HS3ST3A1: variants seen among roughly 807,000 people sequenced by gnomAD.
The protein encoded by HS3ST3A1 is heparan sulfate-glucosamine 3-sulfotransferase 3A1, also known as heparan sulfate glucosamine 3-O-sulfotransferase 3A1.
HS3ST3A1 carries 19 observed loss-of-function variants against 25.7 expected under a neutral mutation model. The ratio of observed to expected loss-of-function variants is 0.74; its 90% CI spans 0.52 to 1.08. The LOEUF (loss-of-function observed/expected upper bound fraction) is 1.08. HS3ST3A1 is among the 50% of genes least tolerant of loss of function. HS3ST3A1 has a pLI of 0.00. For missense variants in HS3ST3A1, 459 were observed against 594.3 expected, an observed-to-expected ratio of 0.77 and a Z score of 2.37; for synonymous variants, 226 against 278.6, an observed-to-expected ratio of 0.81 and a Z score of 1.88.
chr17:13,595,529 AAAG>A, intron 1 of HS3ST3A1, among the ~76,000 whole-genome samples: 1 of 152,338 alleles, frequency 6.6e-6, no homozygotes, highest in Non-Finnish European at 1.5e-5. Flanking sequence ...TATAAAATGC[AAAG>A]ATGAGGGAGT....
chr17:13,506,503 C>T (rs1174801831), intron 1 of HS3ST3A1, among the ~76,000 whole-genome samples: 1 of 152,176 alleles, frequency 6.6e-6, no homozygotes, highest in East Asian at 1.9e-4. Context: ...AATAATTACA[C>T]AGAGCAATTC....
intron 1 of HS3ST3A1, among the ~76,000 whole-genome samples, chr17:13,532,013 A>G (rs1200007093): frequency 6.6e-6 from 1 of 152,228 alleles, no homozygotes; most frequent in Non-Finnish European, 1.5e-5. Flanking sequence ...TCAGAAGCTG[A>G]ACACTTAAAA....
intron 1 of HS3ST3A1, among the ~76,000 whole-genome samples, chr17:13,579,845 G>GCCT (rs1908060457): frequency 6.7e-6 from 1 of 148,888 alleles, no homozygotes; most frequent in Non-Finnish European, 1.5e-5. Flanking sequence ...GGTGGCGCTT[G>GCCT]CCTGTAATCC....
intron 1 of HS3ST3A1, among the ~76,000 whole-genome samples, chr17:13,534,547 C>CAAAAAAAAAAAAAAAAAAA (rs34383911): frequency 3.0e-4 from 10 of 32,828 alleles, no homozygotes; most frequent in East Asian, 1.4e-3. Flanking sequence ...CTACAAAATC[C>CAAAAAAAAAAAAAAAAAAA]AAAAAAAAAA....
intron 1 of HS3ST3A1, among the ~76,000 whole-genome samples, chr17:13,559,042 T>C (rs1375166317): frequency 6.6e-6 from 1 of 152,222 alleles, no homozygotes; most frequent in East Asian, 1.9e-4. Flanking sequence ...AGCTATGCCC[T>C]TGTACAAAGG....
intron 1 of HS3ST3A1, among the ~76,000 whole-genome samples, chr17:13,536,058 C>A (rs1428050100): frequency 6.6e-6 from 1 of 152,150 alleles, no homozygotes; most frequent in Admixed American, 6.6e-5. Context: ...TTTCTCAGAA[C>A]TTATAAGTCA....
At chr17:13,593,233 C>CAAAA (rs5819419) in intron 1 of HS3ST3A1, among the ~76,000 whole-genome samples, 3 of 103,158 alleles carry the variant, frequency 2.9e-5, no homozygotes, top group Non-Finnish European at 3.9e-5. Context: ...TGTTTGTAGC[C>CAAAA]AAAAAAAAAA....
In HS3ST3A1 at chr17:13,519,581, G is replaced by A. The variant is rs188130027; in HGVS notation, c.600-22763C>T. Among the ~76,000 whole-genome samples the A allele has an allele frequency of 3.3e-5, 5 of 152,166 alleles. No homozygotes were observed. The East Asian group carries it at 5.8e-4, about 18-fold the overall frequency. The stretch of plus-strand genomic sequence containing the variant: ...ATGATGATGATGGTGATGATAATTT[G>A]TTAATTTTAACCCACACTAAGAGCC... On this transcript the variant is annotated intron_variant, in intron 1 of 1. Transcript: ENST00000284110.
chr17:13,594,457 T>C (rs1908520793), intron 1 of HS3ST3A1, among the ~76,000 whole-genome samples: 1 of 152,186 alleles, frequency 6.6e-6, no homozygotes, highest in African/African-American at 2.4e-5. Flanking sequence ...CCTTAAGGGT[T>C]AAACAGGCTT....
At chr17:13,509,381 C>T (rs961986839) in intron 1 of HS3ST3A1, among the ~76,000 whole-genome samples, 2 of 151,852 alleles carry the variant, frequency 1.3e-5, no homozygotes, top group African/African-American at 4.8e-5. Context: ...ATTAAAAGCA[C>T]AAGAATGAAA....
intron 1 of HS3ST3A1, among the ~76,000 whole-genome samples, chr17:13,500,822 C>T (rs1382867801): frequency 3.9e-5 from 6 of 152,164 alleles, no homozygotes; most frequent in Admixed American, 6.5e-5. Context: ...TTGTTCTTCT[C>T]CCCATAGAAC....
At chr17:13,600,318 T>C (rs1269177726) in intron 1 of HS3ST3A1, among the ~76,000 whole-genome samples, 1 of 152,082 alleles carries the variant, frequency 6.6e-6, no homozygotes, top group Non-Finnish European at 1.5e-5. Context: ...GGATGAAAAT[T>C]ATGAAGGCCA....
At chr17:13,528,364 C>T (rs542512343) in intron 1 of HS3ST3A1, among the ~76,000 whole-genome samples, 16 of 152,306 alleles carry the variant, frequency 1.1e-4, no homozygotes, top group African/African-American at 1.9e-4. Context: ...TGTGGGCAGC[C>T]GACAGGTTTC....
intron 1 of HS3ST3A1, among the ~76,000 whole-genome samples, chr17:13,582,107 T>C (rs1159266720): frequency 6.6e-6 from 1 of 150,882 alleles, no homozygotes; most frequent in African/African-American, 2.5e-5. Context: ...GAAGTGTTCC[T>C]CCTCTTTTTT....
rs560857474 is a variant in HS3ST3A1, at chr17:13,547,575, G to A, written c.600-50757C>T. ...AGGCTGTGCACCCAGAGAGGACATG[G>A]GAAGATCCATGCCCTTCCTCCACAC... On this transcript the variant is annotated intron_variant, in intron 1 of 1. Transcript: ENST00000284110. Among the ~76,000 whole-genome samples the A allele has an allele frequency of 9.5e-4, 145 of 152,252 alleles. 1 individual carries two copies. Among genetic ancestry groups the A allele is most frequent in the Non-Finnish European group, 1.2e-3 (83 of 68,006 alleles).
intron 1 of HS3ST3A1, among the ~76,000 whole-genome samples, chr17:13,595,074 T>G (rs1266943555): frequency 6.7e-6 from 1 of 149,042 alleles, no homozygotes; most frequent in Non-Finnish European, 1.5e-5. Context: ...CATTGTTAAT[T>G]AAACACTTCC....
chr17:13,559,539 T>A (rs1222798379), intron 1 of HS3ST3A1, among the ~76,000 whole-genome samples: 2 of 148,734 alleles, frequency 1.3e-5, no homozygotes, highest in Non-Finnish European at 3.0e-5. Flanking sequence ...ATCTTATATT[T>A]TATGATATAA....
At chr17:13,517,896 G>A (rs1422617338) in intron 1 of HS3ST3A1, among the ~76,000 whole-genome samples, 2 of 152,028 alleles carry the variant, frequency 1.3e-5, no homozygotes, top group Non-Finnish European at 2.9e-5. Flanking sequence ...CATTGGCCTC[G>A]GCCTCCCAAA....
chr17:13,595,053 G>C (rs2142396651), intron 1 of HS3ST3A1, among the ~76,000 whole-genome samples: 1 of 151,778 alleles, frequency 6.6e-6, no homozygotes, highest in South Asian at 2.1e-4. Flanking sequence ...CCGACGGCAA[G>C]TACTAAACTT....
Sources: gnomAD v4.1 joint callset for allele counts (sites outside exome capture counted in the v4.1 genomes callset) on GRCh38, gnomAD v4.1.1 for gene constraint, MANE v1.5 for transcripts, NCBI Gene and HGNC (gene_info 2026-07-23, HGNC 2026-07-21) for gene names.